Variants in RIMS2 observed in about 807,000 individuals in gnomAD.
The protein encoded by RIMS2 is regulating synaptic membrane exocytosis 2, also known as regulating synaptic membrane exocytosis protein 2.
In RIMS2, 59 loss-of-function variants were observed where a neutral mutation model predicts 174.4. The ratio of observed to expected loss-of-function variants is 0.34; its 90% CI spans 0.27 to 0.42. The LOEUF (loss-of-function observed/expected upper bound fraction) is 0.42. Among genes scored for constraint, RIMS2 ranks in the 10% least tolerant of loss-of-function variants. The pLI is 1.00. For synonymous variants in RIMS2, 606 were observed against 572.5 expected, an observed-to-expected ratio of 1.06 and a Z score of -0.84; for missense variants, 1,620 against 1,666.3, an observed-to-expected ratio of 0.97 and a Z score of 0.48.
chr8:104,248,220 A>G (rs969286106), intron 20 of RIMS2, among the ~76,000 whole-genome samples: 1 of 152,188 alleles, frequency 6.6e-6, no homozygotes, highest in Non-Finnish European at 1.5e-5. Context: ...TAGTAACTGG[A>G]GAGGGAAATG....
intron 14 of RIMS2, among the ~76,000 whole-genome samples, chr8:103,944,734 C>G (rs568577116): frequency 6.6e-6 from 1 of 151,940 alleles, no homozygotes; most frequent in Admixed American, 6.6e-5. Flanking sequence ...TTAAACTTAC[C>G]CATGGGTAAT....
chr8:103,633,103 T>G (rs2095981888), intron 1 of RIMS2, among the ~76,000 whole-genome samples: 1 of 150,966 alleles, frequency 6.6e-6, no homozygotes, highest in South Asian at 2.1e-4. Context: ...CTCGGCTCAC[T>G]GCAACCTCCA....
chr8:103,552,702 A>G (rs998087622), intron 1 of RIMS2, among the ~76,000 whole-genome samples: 1 of 152,364 alleles, frequency 6.6e-6, no homozygotes, highest in East Asian at 1.9e-4. Flanking sequence ...CCCATATGAC[A>G]AAGGGCTAAT....
intron 1 of RIMS2, among the ~76,000 whole-genome samples, chr8:103,623,478 G>GTTTTTTTTTT (rs71575976): frequency 1.8e-4 from 15 of 83,232 alleles, no homozygotes; most frequent in Non-Finnish European, 1.9e-4. Context: ...GGTTTCTTCA[G>GTTTTTTTTTT]TTTTTTTTTT....
chr8:103,982,572 C>A (rs983187448), intron 16 of RIMS2, among the ~76,000 whole-genome samples: 2 of 151,410 alleles, frequency 1.3e-5, no homozygotes, highest in African/African-American at 4.9e-5. Context: ...AAAATTTATC[C>A]CTGGGATGCA....
At chr8:103,770,405 G>A (rs749170751) in intron 3 of RIMS2, among the ~76,000 whole-genome samples, 32 of 152,052 alleles carry the variant, frequency 2.1e-4, no homozygotes, top group Non-Finnish European at 2.9e-4. Flanking sequence ...GTGAAACCCC[G>A]TCTTTACTAA....
intron 2 of RIMS2, among the ~76,000 whole-genome samples, chr8:103,739,865 G>T (rs966474499): frequency 1.3e-5 from 2 of 152,122 alleles, no homozygotes; most frequent in African/African-American, 2.4e-5. Flanking sequence ...CTAATAGAGT[G>T]CTCACTGGCT....
At chr8:103,819,499 A>G (rs2098738098) in intron 3 of RIMS2, 2 of 1,611,714 alleles carry the variant, frequency 1.2e-6, no homozygotes, top group Non-Finnish European at 1.7e-6. Flanking sequence ...GGAAAAAAAA[A>G]GAAAGAAAAT....
At chr8:103,606,535 G>T (rs370473919) in intron 1 of RIMS2, among the ~76,000 whole-genome samples, 1 of 151,998 alleles carries the variant, frequency 6.6e-6, no homozygotes, top group African/African-American at 2.4e-5. Context: ...TGCAGAGCTG[G>T]GTTCAATTCC....
intron 19 of RIMS2, among the ~76,000 whole-genome samples, chr8:104,109,334 T>TC (rs1278603281): frequency 1.3e-5 from 2 of 148,326 alleles, no homozygotes; most frequent in East Asian, 4.0e-4. Context: ...ATGCTCTAAG[T>TC]CCCCCAAAAA....
chr8:104,205,089 GATCTAGCC>G (rs1183060032), intron 19 of RIMS2, among the ~76,000 whole-genome samples: 6 of 152,162 alleles, frequency 3.9e-5, no homozygotes, highest in Non-Finnish European at 7.4e-5. Context: ...TTTATCTCCA[GATCTAGCC>G]ATCTGGAGAT....
chr8:103,714,993 C>T (rs1354071249), intron 2 of RIMS2, among the ~76,000 whole-genome samples: 1 of 151,824 alleles, frequency 6.6e-6, no homozygotes, highest in African/African-American at 2.4e-5. Flanking sequence ...TTCAAGTTAC[C>T]ACTGGAGTTT....
intron 2 of RIMS2, among the ~76,000 whole-genome samples, chr8:103,760,949 T>G (rs905118893): frequency 2.0e-5 from 3 of 152,232 alleles, no homozygotes; most frequent in Non-Finnish European, 4.4e-5. Flanking sequence ...ATGATTTCAA[T>G]TAATTTTTAT....
At chr8:104,128,377 A>G (rs1051609752) in intron 19 of RIMS2, among the ~76,000 whole-genome samples, 1 of 152,160 alleles carries the variant, frequency 6.6e-6, no homozygotes, top group Admixed American at 6.5e-5. Flanking sequence ...TACTTTCTAA[A>G]CTTTAAGGAA....
intron 15 of RIMS2, among the ~76,000 whole-genome samples, chr8:103,961,606 C>G (rs1026878234): frequency 6.6e-6 from 1 of 151,966 alleles, no homozygotes; most frequent in Non-Finnish European, 1.5e-5. Flanking sequence ...AAATATTTGC[C>G]TCATTTTAAA....
rs752684485 is a variant in RIMS2 at position 103,910,191 on chromosome 8, C to A, written c.1682C>A (p.Pro561Gln). 1.9e-5 allele frequency: 30 copies of A among 1,608,714 alleles called. No homozygotes were observed. Among genetic ancestry groups the A allele is most frequent in the Admixed American group, 1.0e-4 (6 of 59,656 alleles). ...TCTTGGCATAGCAGTGAGGCATCCC[C>A]AATGTCTTTGGTGAGACATGTGGAG... The change falls in exon 5 of 24, where the codon CCA becomes CAA. Residue 561 changes from proline (P) to glutamine (Q), a missense_variant. Physicochemically the swap from Pro to Gln is moderately conservative, Grantham distance 76. Around this residue, in one of 2 missense-constraint regions of RIMS2, gnomAD observed 1,395 missense variants for 1,360.1 expected, o/e 1.03. Coordinates refer to ENST00000504942, the Ensembl canonical transcript of RIMS2.
intron 2 of RIMS2, among the ~76,000 whole-genome samples, chr8:103,741,528 G>T (rs1469078840): frequency 6.6e-6 from 1 of 151,954 alleles, no homozygotes; most frequent in Admixed American, 6.6e-5. Context: ...CTTGCAAAAT[G>T]ATTTGTTACC....
At chr8:104,123,352 A>G (rs1436330821) in intron 19 of RIMS2, among the ~76,000 whole-genome samples, 3 of 152,036 alleles carry the variant, frequency 2.0e-5, no homozygotes, top group Non-Finnish European at 4.4e-5. Flanking sequence ...AAAATCATCT[A>G]TATCTTTTAT....
chr8:103,845,369 T>G (rs549948291), intron 3 of RIMS2, among the ~76,000 whole-genome samples: 2 of 152,224 alleles, frequency 1.3e-5, no homozygotes, highest in Admixed American at 6.6e-5. Context: ...CATTAATTAC[T>G]ACTATCCCTA....
Sources: gnomAD v4.1 joint callset for allele counts (sites outside exome capture counted in the v4.1 genomes callset) on GRCh38, gnomAD v4.1.1 for gene constraint, gnomAD v4.1.1 regional missense constraint, MANE v1.5 for transcripts, NCBI Gene and HGNC (gene_info 2026-07-23, HGNC 2026-07-21) for gene names.